The following PNP variants were observed in gnomAD, a reference collection of about 807,000 sequenced individuals.
The protein encoded by PNP is purine nucleoside phosphorylase, also known as HEL-S-156an.
In PNP, 18 loss-of-function variants were observed where a neutral mutation model predicts 26.8. That is an observed-to-expected ratio of 0.67 (90% CI 0.46 to 1.00). The LOEUF (loss-of-function observed/expected upper bound fraction) is 1.00, where lower values mean the gene tolerates loss of function less well. Ranked by LOEUF, PNP falls within the 50% of genes least tolerant of loss-of-function variation. The probability of loss-of-function intolerance (pLI) is 0.00; values close to 1 mark genes in which losing one functional copy is unlikely to be tolerated. For missense variants in PNP, 320 were observed against 362.9 expected (o/e 0.88, Z 0.96); for synonymous variants, 116 against 124.8 (o/e 0.93, Z 0.47).
chr14:20,476,867 C>A lies in PNP; in HGVS notation c.*266C>A. On this transcript the variant is annotated 3_prime_UTR_variant, in exon 6 of 6. Transcript: ENST00000361505. ...ATTCCTGTTCTTTCTTACACAAGAG[C>A]TGGAGCCCGTGCCCTACCACACATC... 1 of 468,774 alleles carries A rather than the reference C, an allele frequency of 2.1e-6. No homozygotes were observed. Among genetic ancestry groups the A allele is most frequent in the Non-Finnish European group, 3.9e-6 (1 of 254,436 alleles). The allele number at this position is 468,774 out of a possible 1,614,324, so 29.0% of individuals were successfully genotyped here.
chr14:20,475,235 T>A lies in PNP; in HGVS notation c.635T>A (p.Leu212Gln). 6.2e-7 allele frequency: 1 copy of A among 1,612,928 alleles called. No individual in the cohort carries two copies. Among genetic ancestry groups the A allele is most frequent in the Non-Finnish European group, 8.5e-7 (1 of 1,179,106 alleles). The part of the protein sequence containing the change: ...TVAECRVLQK[L>Q]GADAVGMSTV... The stretch of plus-strand genomic sequence containing the variant: ...GCAGAATGTCGTGTGCTGCAGAAGC[T>A]GGGAGCAGACGCTGTTGGTGAGAAG... The change falls in exon 5 of 6, where the codon CTG becomes CAG. Residue 212 changes from leucine (L) to glutamine (Q), a missense_variant. Leu to Gln is a moderately radical substitution (Grantham distance 113, BLOSUM62 -2). Transcript: ENST00000361505.
At chr14:20,472,529 T>C (rs1156365286) in intron 2 of PNP, 52 bp downstream of exon 2, 2 of 1,549,064 alleles carry the variant, frequency 1.3e-6, no homozygotes, top group Admixed American at 1.7e-5. Flanking sequence ...CTTGGAATTC[T>C]GTGGAACACA....
rs368488127 is a variant in PNP, at chr14:20,476,511, C to A, written c.780C>A (p.Val260=). 2 of 1,614,060 alleles carry A rather than the reference C, an allele frequency of 1.2e-6. No individual in the cohort carries two copies. The highest frequency in any genetic ancestry group is 2.7e-5 in the African/African-American group (2 of 74,924). ...TGGAGAAGGCCAACCATGAAGAAGT[C>A]TTAGCAGCTGGCAAACAAGCTGCAC... The part of the protein sequence containing the change: ...ESLEKANHEE[V]LAAGKQAAQK... Residue 260 remains valine, a synonymous_variant, in exon 6 of 6, where the codon GTC becomes GTA. Transcript: ENST00000361505.
rs574038460 is a variant in PNP, at chr14:20,475,261, G to A, written c.652+9G>A. 5 of 1,609,244 alleles carry A rather than the reference G, an allele frequency of 3.1e-6. No individual in the cohort carries two copies. The highest frequency in any genetic ancestry group is 4.2e-6 in the Non-Finnish European group (5 of 1,176,598). On this transcript the variant is annotated intron_variant, in intron 5 of 5. Transcript: ENST00000361505. ...GGGAGCAGACGCTGTTGGTGAGAAG[G>A]GGAATTTGGCTGGAAGCTTGAAGAG... is the stretch of plus-strand genomic sequence containing the variant.
intron 2 of PNP, chr14:20,474,231 C>A: frequency 2.1e-6 from 1 of 470,730 alleles, no homozygotes; most frequent in Non-Finnish European, 3.9e-6. Flanking sequence ...TTTGTGTGTT[C>A]ATGCTGAACA....
In PNP at chr14:20,476,394, A is replaced by G. The variant is rs1283867617; in HGVS notation, c.663A>G (p.Thr221=). The G allele has an allele frequency of 6.2e-7, 1 of 1,613,386 alleles. No homozygotes were observed. The highest frequency in any genetic ancestry group is 1.3e-5 in the African/African-American group (1 of 74,916). The change falls in exon 6 of 6, where the codon ACA becomes ACG. Residue 221 remains threonine, a synonymous_variant. Transcript: ENST00000361505. ...CTTTCTCACTATCAGGCATGAGTACAGTACCAGAAGTTATCGTTGCACGGC... is the reference window on the plus strand; with the variant it reads ...CTTTCTCACTATCAGGCATGAGTACGGTACCAGAAGTTATCGTTGCACGGC... ...KLGADAVGMS[T]VPEVIVARHC...
Position 20,469,451 on chromosome 14 carries a change from G to A in PNP, c.-74G>A, listed in dbSNP as rs569693952. ...GCAGCCTTGCTCAGTTCAGCATAGC[G>A]GAGCGGATCCGATCGGATCGGAGCG... On this transcript the variant is annotated 5_prime_UTR_variant, in exon 1 of 6. Transcript: ENST00000361505. 10 of 1,540,494 alleles carry A rather than the reference G, an allele frequency of 6.5e-6. No individual in the cohort carries two copies. The African/African-American group carries it at 1.1e-4, about 17-fold the overall frequency.
At chr14:20,469,728 A>C (rs1236717102) in intron 1 of PNP, 193 bp downstream of exon 1, 1 of 749,956 alleles carries the variant, frequency 1.3e-6, no homozygotes, top group South Asian at 1.7e-5. Context: ...GCAGGGACGC[A>C]CGCGGGAATC....
In PNP at chr14:20,475,062, G is replaced by C; in HGVS notation, c.462G>C (p.Arg154Ser). The C allele has an allele frequency of 6.2e-7, 1 of 1,614,186 alleles. No individual in the cohort carries two copies. Among genetic ancestry groups the C allele is most frequent in the East Asian group, 2.2e-5 (1 of 44,884 alleles). ...QNPLRGPNDE[R>S]FGDRFPAMSD... ...TGAGATAATTCAACCTGTGTCCTAG[G>C]TTTGGAGATCGTTTCCCTGCCATGT... is the stretch of plus-strand genomic sequence containing the variant. Residue 154 changes from arginine to serine, a missense_variant and splice_region_variant, in exon 5 of 6, where the codon AGG becomes AGC. Physicochemically the swap from Arg to Ser is moderately radical, Grantham distance 110. Transcript: ENST00000361505.
Position 20,475,345 on chromosome 14 carries a change from T to A in PNP, c.652+93T>A, listed in dbSNP as rs1756369. On this transcript the variant is annotated intron_variant, in intron 5 of 5. Transcript: ENST00000361505. ...TAGGAAATAACAGGCCTCATTGGAC[T>A]GAGAGGATCTGATTTCAGGGAAGGG... The A allele has an allele frequency of 0.21, 220,427 of 1,035,646 alleles. 24,117 individuals carry two copies. The highest frequency in any genetic ancestry group is 0.25 in the Admixed American group (10,382 of 41,018). 64.2% of individuals were successfully genotyped at this position (1,035,646 alleles called of 1,614,324 possible). A position where few individuals can be genotyped will look rare whatever the true frequency, so the allele number is the denominator to read the frequency against.
Position 20,474,441 on chromosome 14 carries a change from C to G in PNP, c.182-31C>G, listed in dbSNP as rs776149152. ...ATATGTGTTGCATGAAAATATAATC[C>G]CATTCATTTCTCTTTCTGTTTTGTA... On this transcript the variant is annotated intron_variant, in intron 2 of 5. Coordinates refer to ENST00000361505, the MANE Select transcript of PNP (RefSeq NM_000270.4). 3 of 1,556,140 alleles carry G rather than the reference C, an allele frequency of 1.9e-6. No homozygotes were observed. The East Asian group carries it at 6.7e-5, about 35-fold the overall frequency.
At position 20,475,570 on chromosome 14, in the gene PNP, C is replaced by T. The variant is rs149414466; in HGVS notation, c.652+318C>T. On this transcript the variant is annotated intron_variant, in intron 5 of 5. Coordinates refer to ENST00000361505, the MANE Select transcript of PNP (RefSeq NM_000270.4). ...CATGATCTCGGCTCACTGCAACCTCCGCCTCCCGGGTTCAAGCAATTCTCA... is the reference window on the plus strand; with the variant it reads ...CATGATCTCGGCTCACTGCAACCTCTGCCTCCCGGGTTCAAGCAATTCTCA... Among the ~76,000 whole-genome samples, 310 of 151,700 alleles carry T rather than the reference C, an allele frequency of 2.0e-3. 1 individual carries two copies. Among genetic ancestry groups the T allele is most frequent in the African/African-American group, 7.0e-3 (289 of 41,370 alleles).
At chr14:20,470,974 C>G (rs867381322) in intron 1 of PNP, among the ~76,000 whole-genome samples, 2 of 152,150 alleles carry the variant, frequency 1.3e-5, no homozygotes, top group African/African-American at 2.4e-5. Context: ...GAATCTAGGT[C>G]GAATTCTGCT....
At position 20,471,887 on chromosome 14, in the gene PNP, A is replaced by G. The variant is rs552525651; in HGVS notation, c.12-421A>G. On this transcript the variant is annotated intron_variant, in intron 1 of 5. Coordinates refer to ENST00000361505, the MANE Select transcript of PNP (RefSeq NM_000270.4). ...GGAAGGGCTTAATCCCATTTTGAGTACTCTTCTTGGGCTCCCTCCTGGCCA... is the reference window on the plus strand; with the variant it reads ...GGAAGGGCTTAATCCCATTTTGAGTGCTCTTCTTGGGCTCCCTCCTGGCCA... Among the ~76,000 whole-genome samples the G allele has an allele frequency of 1.4e-4, 21 of 152,058 alleles. No individual in the cohort carries two copies. In the East Asian group the frequency reaches 3.5e-3, roughly 25 times the overall value.
Position 20,476,509 on chromosome 14 carries a change from G to A in PNP, c.778G>A (p.Val260Ile). 6.2e-7 allele frequency: 1 copy of A among 1,614,196 alleles called. No individual in the cohort carries two copies. Among genetic ancestry groups the A allele is most frequent in the Non-Finnish European group, 8.5e-7 (1 of 1,180,036 alleles). ...ESLEKANHEE[V>I]LAAGKQAAQK... ...CCTGGAGAAGGCCAACCATGAAGAA[G>A]TCTTAGCAGCTGGCAAACAAGCTGC... The change falls in exon 6 of 6, where the codon GTC (valine) becomes ATC (isoleucine). Residue 260 changes from valine (V) to isoleucine (I), a missense_variant. Coordinates refer to ENST00000361505, the MANE Select transcript of PNP (RefSeq NM_000270.4).
chr14:20,472,253 C>T, intron 1 of PNP, 55 bp from the exon 2 acceptor site: 1 of 1,496,480 alleles, frequency 6.7e-7, no homozygotes, highest in Non-Finnish European at 9.3e-7. Context: ...GGTCATTTGT[C>T]TGTGATGCCC....
At position 20,475,073 on chromosome 14, in the gene PNP, G is replaced by A. The variant is rs1014717549; in HGVS notation, c.473G>A (p.Arg158His). The change falls in exon 5 of 6, where the codon CGT becomes CAT. Residue 158 changes from arginine to histidine, a missense_variant. Arg to His is a conservative substitution (Grantham distance 29, BLOSUM62 0). Transcript: ENST00000361505. ...RGPNDERFGD[R>H]FPAMSDAYDR... ...AACCTGTGTCCTAGGTTTGGAGATCGTTTCCCTGCCATGTCTGATGCCTAC... is the reference window on the plus strand; with the variant it reads ...AACCTGTGTCCTAGGTTTGGAGATCATTTCCCTGCCATGTCTGATGCCTAC... 5.6e-6 allele frequency: 9 copies of A among 1,614,066 alleles called. No individual in the cohort carries two copies. Among genetic ancestry groups the A allele is most frequent in the Admixed American group, 3.3e-5 (2 of 59,996 alleles).
Position 20,476,558 on chromosome 14 carries a change from C to A in PNP, c.827C>A (p.Ser276Tyr). The change falls in exon 6 of 6, where the codon TCC (serine) becomes TAC (tyrosine). Residue 276 changes from serine to tyrosine, a missense_variant. Coordinates refer to ENST00000361505, the MANE Select transcript of PNP (RefSeq NM_000270.4). The part of the protein sequence containing the change: ...QAAQKLEQFV[S>Y]ILMASIPLPD... The stretch of plus-strand genomic sequence containing the variant: ...GCACAGAAATTGGAACAGTTTGTCT[C>A]CATTCTTATGGCCAGCATTCCACTC... The A allele has an allele frequency of 6.2e-7, 1 of 1,614,198 alleles. No individual in the cohort carries two copies. Among genetic ancestry groups the A allele is most frequent in the Non-Finnish European group, 8.5e-7 (1 of 1,180,054 alleles).
chr14:20,474,636 C>T (rs527715732), intron 3 of PNP, 61 bp downstream of exon 3: 2 of 1,547,380 alleles, frequency 1.3e-6, no homozygotes, highest in East Asian at 2.2e-5. Context: ...TATCTAGCCT[C>T]TTTCACTACC....
Sources: allele counts gnomAD v4.1 joint callset (sites outside exome capture counted in the v4.1 genomes callset), GRCh38; gene constraint gnomAD v4.1.1; transcripts MANE v1.5; gene names NCBI Gene and HGNC (gene_info 2026-07-23, HGNC 2026-07-21).